SLC35D4: variants seen among roughly 807,000 people sequenced by gnomAD.
SLC35D4 encodes UDP-N-acetylglucosamine transporter SLC35D4.
At chr18:23,429,289 A>T in the SLC35D4 span, among the ~76,000 whole-genome samples, 3 of 152,192 alleles carry the variant, frequency 2.0e-5, no homozygotes, top group Non-Finnish European at 4.4e-5. Context: ...CATAGGGGCT[A>T]AGCTAATTCA....
At chr18:23,348,375 A>G in the SLC35D4 span, among the ~76,000 whole-genome samples, 6 of 152,194 alleles carry the variant, frequency 3.9e-5, no homozygotes, top group Non-Finnish European at 8.8e-5. Flanking sequence ...CAAGTCTTCT[A>G]TGTACTTCTA....
chr18:23,287,082 G>A, the SLC35D4 span, among the ~76,000 whole-genome samples: 1 of 151,880 alleles, frequency 6.6e-6, no homozygotes, highest in East Asian at 1.9e-4. Flanking sequence ...ATTAAAGCCT[G>A]TTATCACTCG....
the SLC35D4 span, among the ~76,000 whole-genome samples, chr18:23,359,019 C>G: frequency 6.6e-6 from 1 of 152,196 alleles, no homozygotes; most frequent in Non-Finnish European, 1.5e-5. Context: ...ATCCAGGAGT[C>G]TGCTGCAAAA....
At chr18:23,248,404 G>C in the SLC35D4 span, among the ~76,000 whole-genome samples, 2 of 152,060 alleles carry the variant, frequency 1.3e-5, no homozygotes, top group African/African-American at 4.8e-5. Context: ...AAGAGGAGCC[G>C]GTGCAGGGGC....
At chr18:23,306,399 C>T in the SLC35D4 span, among the ~76,000 whole-genome samples, 1 of 151,948 alleles carries the variant, frequency 6.6e-6, no homozygotes, top group South Asian at 2.1e-4. Context: ...CTCCACCTCC[C>T]GGGTTCAAGC....
At chr18:23,327,579 G>A in the SLC35D4 span, among the ~76,000 whole-genome samples, 41 of 152,196 alleles carry the variant, frequency 2.7e-4, no homozygotes, top group Admixed American at 1.2e-3. Context: ...ACCAAAAAGA[G>A]TCCAGGACCA....
At chr18:23,405,351 C>T in the SLC35D4 span, among the ~76,000 whole-genome samples, 2 of 152,084 alleles carry the variant, frequency 1.3e-5, no homozygotes, top group African/African-American at 2.4e-5. Context: ...CCACGCCTGG[C>T]TAATTTTTGT....
At chr18:23,257,319 C>T in the SLC35D4 span, 117 of 1,613,814 alleles carry the variant, frequency 7.2e-5, no homozygotes, top group Non-Finnish European at 9.5e-5. Flanking sequence ...TCCACTTGCC[C>T]GAGCACGAAG....
the SLC35D4 span, among the ~76,000 whole-genome samples, chr18:23,245,283 G>A: frequency 2.0e-5 from 3 of 152,066 alleles, no homozygotes; most frequent in Non-Finnish European, 2.9e-5. Context: ...TGAGGTGGGC[G>A]GATCACTTGA....
the SLC35D4 span, chr18:23,297,983 G>A: frequency 2.7e-5 from 44 of 1,612,386 alleles, no homozygotes; most frequent in African/African-American, 4.0e-5. Context: ...AGCAGCCTGT[G>A]AGTCTTTCTC....
At chr18:23,371,787 C>T in the SLC35D4 span, among the ~76,000 whole-genome samples, 1 of 151,922 alleles carries the variant, frequency 6.6e-6, no homozygotes, top group African/African-American at 2.4e-5. Flanking sequence ...CCCCTACTGT[C>T]CCTGAATAAG....
At chr18:23,336,805 A>G in the SLC35D4 span, among the ~76,000 whole-genome samples, 5 of 152,154 alleles carry the variant, frequency 3.3e-5, no homozygotes, top group Admixed American at 2.0e-4. Flanking sequence ...GTGGAGAAAG[A>G]CAGTAACAGG....
At chr18:23,337,307 A>G in the SLC35D4 span, among the ~76,000 whole-genome samples, 2 of 152,060 alleles carry the variant, frequency 1.3e-5, no homozygotes, top group Non-Finnish European at 2.9e-5. Flanking sequence ...CCCCCTCTCT[A>G]CTAAAAATAC....
the SLC35D4 span, chr18:23,310,349 TC>T: frequency 1.1e-6 from 1 of 879,142 alleles, no homozygotes; most frequent in Non-Finnish European, 1.4e-6. Context: ...AGAGGTTACC[TC>T]CACATCTCTC....
the SLC35D4 span, among the ~76,000 whole-genome samples, chr18:23,336,850 T>C: frequency 6.6e-6 from 1 of 152,084 alleles, no homozygotes; most frequent in Non-Finnish European, 1.5e-5. Context: ...ATCAGGATGA[T>C]AATGCAAGGA....
the SLC35D4 span, among the ~76,000 whole-genome samples, chr18:23,333,981 A>AACC: frequency 6.6e-6 from 1 of 152,302 alleles, no homozygotes; most frequent in East Asian, 1.9e-4. Flanking sequence ...CTGGGGATGT[A>AACC]ACCCTGAGTA....
chr18:23,351,148 T>C, the SLC35D4 span, among the ~76,000 whole-genome samples: 2 of 152,210 alleles, frequency 1.3e-5, no homozygotes. Flanking sequence ...GGCTCACACC[T>C]GTAATCCTAG....
At chr18:23,368,640 C>T in the SLC35D4 span, 51 of 1,000,200 alleles carry the variant, frequency 5.1e-5, no homozygotes, top group African/African-American at 6.8e-4. Context: ...CAGAACTCTT[C>T]AATCAAAATA....
the SLC35D4 span, among the ~76,000 whole-genome samples, chr18:23,306,185 A>G: frequency 1.3e-5 from 2 of 152,048 alleles, no homozygotes; most frequent in South Asian, 2.1e-4. Context: ...TGACTTAAGC[A>G]AGTGACAACT....
Sources: allele counts gnomAD v4.1 joint callset (sites outside exome capture counted in the v4.1 genomes callset), GRCh38; gene constraint gnomAD v4.1.1; transcripts MANE v1.5; gene names NCBI Gene and HGNC (gene_info 2026-07-23, HGNC 2026-07-21).